Variants in CDH7 observed in about 807,000 individuals in gnomAD.
The protein encoded by CDH7 is cadherin 7.
A neutral mutation model predicts 71.8 loss-of-function variants in CDH7; 25 were observed. That is an observed-to-expected ratio of 0.35 (90% CI 0.25 to 0.49). The LOEUF (loss-of-function observed/expected upper bound fraction) is 0.49. Ranked by LOEUF, CDH7 falls within the 20% of genes least tolerant of loss-of-function variation. The probability of loss-of-function intolerance (pLI) is 0.99; values close to 1 mark genes in which losing one functional copy is unlikely to be tolerated. For synonymous variants in CDH7, 381 were observed against 363.8 expected (o/e 1.05, Z -0.54); for missense variants, 862 against 974.6 (o/e 0.88, Z 1.54).
At chr18:65,756,070 C>T (rs1016136637) in intron 1 of CDH7, among the ~76,000 whole-genome samples, 2 of 152,070 alleles carry the variant, frequency 1.3e-5, no homozygotes, top group African/African-American at 4.8e-5. Flanking sequence ...TTCATAGTTC[C>T]CTTGCTGTGG....
In CDH7 at chr18:65,865,526, T is replaced by G. The variant is rs898122590; in HGVS notation, c.1864+2609T>G. Reference sequence around the variant, plus strand: ...TCAAAACCGTAAGTAAAACAAAGTCTGTTGTACTGAAATACAATTTGGAAC... The same window carrying G: ...TCAAAACCGTAAGTAAAACAAAGTCGGTTGTACTGAAATACAATTTGGAAC... On this transcript the variant is annotated intron_variant, in intron 11 of 11. Transcript: ENST00000397968. 2.0e-5 allele frequency: 3 copies of G among 152,284 alleles called. No individual in the cohort carries two copies. In the South Asian group the frequency reaches 6.2e-4, roughly 32 times the overall value. 9.4% of individuals were successfully genotyped at this position (152,284 alleles called of 1,614,324 possible).
Position 65,862,829 on chromosome 18 carries a change from G to A in CDH7, c.1776G>A (p.Gln592=). 6.2e-7 allele frequency: 1 copy of A among 1,614,132 alleles called. No homozygotes were observed. Among genetic ancestry groups the A allele is most frequent in the Non-Finnish European group, 8.5e-7 (1 of 1,180,002 alleles). The change falls in exon 11 of 12, where the codon CAG becomes CAA. Residue 592 remains glutamine, a synonymous_variant. Coordinates refer to ENST00000397968, the MANE Select transcript of CDH7 (RefSeq NM_004361.5). ...ACTGTGATGCTGACGGCGTAGCCCA[G>A]ACCTGCAATGCAGAGGCCTATGTCC... ...VCDCDADGVA[Q]TCNAEAYVLP... is the part of the protein sequence containing the mutation.
intron 6 of CDH7, among the ~76,000 whole-genome samples, chr18:65,829,880 ATTTTTTTCATAGAC>A (rs1294474217): frequency 6.8e-6 from 1 of 148,036 alleles, no homozygotes; most frequent in African/African-American, 2.5e-5. Flanking sequence ...AAATATTCTG[ATTTTTTTCATAGAC>A]TTAGCTGTGG....
intron 7 of CDH7, among the ~76,000 whole-genome samples, chr18:65,846,209 A>T (rs978282095): frequency 1.2e-4 from 19 of 152,206 alleles, no homozygotes; most frequent in African/African-American, 4.6e-4. Flanking sequence ...AGATGAAGTG[A>T]GCTCCACTTC....
At chr18:65,878,577 A>G (rs1053816869) in intron 11 of CDH7, among the ~76,000 whole-genome samples, 1 of 152,188 alleles carries the variant, frequency 6.6e-6, no homozygotes, top group Admixed American at 6.5e-5. Context: ...ACAGGGAAGG[A>G]AGGTGAATAC....
At position 65,883,847 on chromosome 18, in the gene CDH7, A is replaced by AT. The variant is rs1311643658; in HGVS notation, c.*2954dup. 2.0e-5 allele frequency: 3 copies of AT among 152,152 alleles called. No homozygotes were observed. Among genetic ancestry groups the AT allele is most frequent in the Non-Finnish European group, 2.9e-5 (2 of 67,980 alleles). 9.4% of individuals were successfully genotyped at this position (152,152 alleles called of 1,614,324 possible). A position where few individuals can be genotyped will look rare whatever the true frequency, so the allele number is the denominator to read the frequency against. ...TGCTATATTTTACTACTAAATAACA[A>AT]TGTATGTGGTAGTGATTTCCTGAAG... On this transcript the variant is annotated 3_prime_UTR_variant, in exon 12 of 12. Transcript: ENST00000397968.
rs750974316 is a variant in CDH7, at chr18:65,885,569, G to C, written c.*4675G>C. ...ATTTTTTTGTATTTTTAGTACAGACGGGGTTTCACCGTGGTCTCGATCTCC... is the reference window on the plus strand; with the variant it reads ...ATTTTTTTGTATTTTTAGTACAGACCGGGTTTCACCGTGGTCTCGATCTCC... On this transcript the variant is annotated 3_prime_UTR_variant, in exon 12 of 12. Transcript: ENST00000397968. 1 of 150,736 alleles carries C rather than the reference G, an allele frequency of 6.6e-6. No individual in the cohort carries two copies. The highest frequency in any genetic ancestry group is 1.5e-5 in the Non-Finnish European group (1 of 67,708). 9.3% of individuals were successfully genotyped at this position (150,736 alleles called of 1,614,324 possible).
At chr18:65,820,438 T>G (rs1482469898) in intron 4 of CDH7, among the ~76,000 whole-genome samples, 1 of 152,138 alleles carries the variant, frequency 6.6e-6, no homozygotes, top group Non-Finnish European at 1.5e-5. Flanking sequence ...TATACACAAT[T>G]ATATAATACA....
At chr18:65,772,801 A>G (rs1208969533) in intron 2 of CDH7, among the ~76,000 whole-genome samples, 1 of 152,174 alleles carries the variant, frequency 6.6e-6, no homozygotes, top group Non-Finnish European at 1.5e-5. Flanking sequence ...GTTATCTTCT[A>G]GACTGATGAT....
intron 4 of CDH7, among the ~76,000 whole-genome samples, chr18:65,818,389 C>A (rs150389518): frequency 6.6e-6 from 1 of 152,112 alleles, no homozygotes; most frequent in African/African-American, 2.4e-5. Context: ...AATAAGTTTA[C>A]AAAAGTGATC....
At chr18:65,832,714 A>G (rs1018678189) in intron 6 of CDH7, among the ~76,000 whole-genome samples, 1 of 152,118 alleles carries the variant, frequency 6.6e-6, no homozygotes, top group African/African-American at 2.4e-5. Flanking sequence ...AGATTATCAC[A>G]TTTGAGTGAA....
chr18:65,887,847 C>T lies in CDH7; in HGVS notation c.*6953C>T, dbSNP rs1418232194. The T allele has an allele frequency of 6.6e-6, 1 of 151,968 alleles. No individual in the cohort carries two copies. The highest frequency in any genetic ancestry group is 1.5e-5 in the Non-Finnish European group (1 of 67,976). 9.4% of individuals were successfully genotyped at this position (151,968 alleles called of 1,614,324 possible). ...CTCAAATTTAGAGGAACGAACAATT[C>T]ACATTAGTAAAACACACAGCATTAC... On this transcript the variant is annotated 3_prime_UTR_variant, in exon 12 of 12. Coordinates refer to ENST00000397968, the MANE Select transcript of CDH7 (RefSeq NM_004361.5).
At chr18:65,810,169 ATTAAC>A (rs1204055459) in intron 3 of CDH7, among the ~76,000 whole-genome samples, 171 bp downstream of exon 3, 5 of 152,080 alleles carry the variant, frequency 3.3e-5, no homozygotes, top group Non-Finnish European at 4.4e-5. Flanking sequence ...GCCAGTATCC[ATTAAC>A]TTAACTTATT....
At chr18:65,752,617 C>T (rs528826625) in intron 1 of CDH7, among the ~76,000 whole-genome samples, 2 of 152,192 alleles carry the variant, frequency 1.3e-5, no homozygotes, top group Admixed American at 6.5e-5. Flanking sequence ...CTATTTTGAA[C>T]AGTATGAATT....
intron 4 of CDH7, among the ~76,000 whole-genome samples, chr18:65,820,273 G>T (rs1911874652): frequency 6.6e-6 from 1 of 150,968 alleles, no homozygotes; most frequent in African/African-American, 2.4e-5. Context: ...CCCATAGATA[G>T]ATTTTTTTTT....
intron 5 of CDH7, among the ~76,000 whole-genome samples, chr18:65,823,689 G>A (rs953051678): frequency 6.6e-6 from 1 of 151,844 alleles, no homozygotes; most frequent in Non-Finnish European, 1.5e-5. Flanking sequence ...AGAAAATTGC[G>A]AACAAGTCTC....
At chr18:65,759,771 T>G (rs920115601) in intron 1 of CDH7, among the ~76,000 whole-genome samples, 10 of 152,164 alleles carry the variant, frequency 6.6e-5, no homozygotes, top group African/African-American at 2.2e-4. Flanking sequence ...TGTAGGACAA[T>G]GAGTCCTGTG....
intron 2 of CDH7, among the ~76,000 whole-genome samples, chr18:65,777,395 G>T (rs995703026): frequency 2.0e-5 from 3 of 151,944 alleles, no homozygotes; most frequent in East Asian, 1.9e-4. Context: ...CGTACCAAAA[G>T]CTCCAGAGTC....
At chr18:65,872,860 G>A (rs775655562) in intron 11 of CDH7, among the ~76,000 whole-genome samples, 1 of 151,656 alleles carries the variant, frequency 6.6e-6, no homozygotes, top group Non-Finnish European at 1.5e-5. Context: ...ACTCCGGCCT[G>A]GGTGACAGAG....
Sources: gnomAD v4.1 joint callset for allele counts (sites outside exome capture counted in the v4.1 genomes callset) on GRCh38, gnomAD v4.1.1 for gene constraint, MANE v1.5 for transcripts, NCBI Gene and HGNC (gene_info 2026-07-23, HGNC 2026-07-21) for gene names.